Variants in LHFPL6 observed in about 807,000 individuals in gnomAD.
The protein encoded by LHFPL6 is LHFPL tetraspan subfamily member 6 protein.
A neutral mutation model predicts 20.6 loss-of-function variants in LHFPL6; 9 were observed. The observed-to-expected ratio is 0.44, with a 90% CI of 0.26 to 0.76. The LOEUF (loss-of-function observed/expected upper bound fraction) is 0.76, where lower values mean the gene tolerates loss of function less well. Ranked by LOEUF, LHFPL6 falls within the 30% of genes least tolerant of loss-of-function variation. The pLI, the probability that LHFPL6 is intolerant of heterozygous loss-of-function variation, is 0.20. For synonymous variants in LHFPL6, 105 were observed against 98.7 expected, an observed-to-expected ratio of 1.06 and a Z score of -0.38; for missense variants, 218 against 253.5, an observed-to-expected ratio of 0.86 and a Z score of 0.95.
At chr13:39,399,463 T>C (rs974046369) in intron 2 of LHFPL6, among the ~76,000 whole-genome samples, 5 of 152,208 alleles carry the variant, frequency 3.3e-5, no homozygotes, top group Admixed American at 3.3e-4. Flanking sequence ...GAGACAAACT[T>C]GGAAGCAAGA....
At chr13:39,438,356 G>A (rs2138411474) in intron 2 of LHFPL6, among the ~76,000 whole-genome samples, 1 of 152,252 alleles carries the variant, frequency 6.6e-6, no homozygotes, top group East Asian at 1.9e-4. Context: ...ACCACCTATG[G>A]TCATATGAGT....
rs143250488 is a variant in LHFPL6, at chr13:39,405,784, G to A, written c.386-27258C>T. On this transcript the variant is annotated intron_variant, in intron 2 of 3. Coordinates refer to ENST00000379589, the MANE Select transcript of LHFPL6 (RefSeq NM_005780.3). ...ACAGGCCACATCAGAGACAGAGTAC[G>A]CATAAATTCTAGGGAGCTCCAGGGT... is the stretch of plus-strand genomic sequence containing the variant. 4.1e-4 allele frequency among the ~76,000 whole-genome samples: 63 copies of A among 152,294 alleles called. No homozygotes were observed. In the East Asian group the frequency reaches 8.5e-3, roughly 21 times the overall value.
At chr13:39,390,961 C>A (rs530668621) in intron 2 of LHFPL6, among the ~76,000 whole-genome samples, 1 of 152,206 alleles carries the variant, frequency 6.6e-6, no homozygotes, top group South Asian at 2.1e-4. Flanking sequence ...CGCGCCACTG[C>A]GCTCCAGCCT....
At chr13:39,476,860 T>A (rs1054615172) in intron 2 of LHFPL6, among the ~76,000 whole-genome samples, 1 of 152,154 alleles carries the variant, frequency 6.6e-6, no homozygotes, top group Non-Finnish European at 1.5e-5. Flanking sequence ...TAACAAAATA[T>A]GTGGGTTTTT....
chr13:39,494,789 T>C (rs1869042590), intron 2 of LHFPL6, among the ~76,000 whole-genome samples: 1 of 152,230 alleles, frequency 6.6e-6, no homozygotes, highest in Non-Finnish European at 1.5e-5. Flanking sequence ...CATACTGACA[T>C]AGTCACAAGA....
At chr13:39,516,762 A>G (rs1292790353) in intron 2 of LHFPL6, among the ~76,000 whole-genome samples, 5 of 137,098 alleles carry the variant, frequency 3.6e-5, no homozygotes, top group Non-Finnish European at 6.3e-5. Context: ...ATCTTGATGA[A>G]AATTAGATGT....
chr13:39,483,090 A>T (rs1365591494), intron 2 of LHFPL6, among the ~76,000 whole-genome samples: 4 of 152,242 alleles, frequency 2.6e-5, no homozygotes, highest in Non-Finnish European at 5.9e-5. Context: ...GAAATTCTAC[A>T]GTGAATATAT....
chr13:39,503,695 C>A (rs542336705), intron 2 of LHFPL6, among the ~76,000 whole-genome samples: 1 of 152,148 alleles, frequency 6.6e-6, no homozygotes, highest in East Asian at 1.9e-4. Context: ...TTACACAATA[C>A]GTAACCTTAC....
intron 2 of LHFPL6, among the ~76,000 whole-genome samples, chr13:39,547,018 C>T (rs1472328474): frequency 6.6e-6 from 1 of 151,960 alleles, no homozygotes; most frequent in Non-Finnish European, 1.5e-5. Context: ...TCGCTAATAA[C>T]CACCCCCTGC....
chr13:39,516,403 C>T (rs922334856), intron 2 of LHFPL6, among the ~76,000 whole-genome samples: 1 of 152,254 alleles, frequency 6.6e-6, no homozygotes, highest in Non-Finnish European at 1.5e-5. Flanking sequence ...CTTGATTTTG[C>T]TGTCATGGGG....
chr13:39,493,366 G>A (rs1465648867), intron 2 of LHFPL6, among the ~76,000 whole-genome samples: 2 of 151,146 alleles, frequency 1.3e-5, no homozygotes, highest in African/African-American at 4.8e-5. Flanking sequence ...AATCCTCAAT[G>A]GGCACCAAAG....
At chr13:39,552,887 G>A (rs1032064136) in intron 2 of LHFPL6, among the ~76,000 whole-genome samples, 1 of 152,014 alleles carries the variant, frequency 6.6e-6, no homozygotes, top group African/African-American at 2.4e-5. Flanking sequence ...TACCTTACTT[G>A]CAGGATTTGT....
At chr13:39,420,228 G>T (rs1216649427) in intron 2 of LHFPL6, among the ~76,000 whole-genome samples, 1 of 152,094 alleles carries the variant, frequency 6.6e-6, no homozygotes, top group African/African-American at 2.4e-5. Context: ...TTAAGGTCTG[G>T]GTTACTATAT....
chr13:39,426,091 A>G (rs1324824300), intron 2 of LHFPL6, among the ~76,000 whole-genome samples: 1 of 152,222 alleles, frequency 6.6e-6, no homozygotes, highest in Non-Finnish European at 1.5e-5. Flanking sequence ...TTACGTGACC[A>G]TTACCACTAT....
intron 3 of LHFPL6, among the ~76,000 whole-genome samples, chr13:39,346,687 T>C (rs913949399): frequency 4.0e-4 from 61 of 152,108 alleles, no homozygotes; most frequent in African/African-American, 1.4e-3. Flanking sequence ...CTTCTACTCA[T>C]ATCATCACCA....
chr13:39,578,867 T>A (rs558300827), intron 2 of LHFPL6, among the ~76,000 whole-genome samples: 4 of 152,254 alleles, frequency 2.6e-5, no homozygotes, highest in Non-Finnish European at 5.9e-5. Context: ...GGAGACTTCA[T>A]GGATAAGTCA....
intron 2 of LHFPL6, among the ~76,000 whole-genome samples, chr13:39,549,858 T>C (rs1871096186): frequency 6.6e-6 from 1 of 152,014 alleles, no homozygotes; most frequent in South Asian, 2.1e-4. Context: ...CAAAATAATG[T>C]CATACACAAC....
In LHFPL6 at chr13:39,344,031, AG is replaced by A; in HGVS notation, c.507del (p.Tyr170ThrfsTer62). ...FDLGKCEIGW[A>X]YYCTGAGATA... ...GTGGCACCTGCTCCCGTGCAGTAGT[AG>A]GCCCAGCCGATTTCACACTTCCCTA... is the stretch of plus-strand genomic sequence containing the variant. On this transcript the variant is annotated frameshift_variant, in exon 4 of 4. Coordinates refer to ENST00000379589, the MANE Select transcript of LHFPL6 (RefSeq NM_005780.3). LOFTEE classifies it high-confidence loss of function. 6.2e-7 allele frequency: 1 copy of A among 1,612,888 alleles called. No homozygotes were observed. The highest frequency in any genetic ancestry group is 8.5e-7 in the Non-Finnish European group (1 of 1,179,228).
At chr13:39,354,092 C>G (rs1174754461) in intron 3 of LHFPL6, among the ~76,000 whole-genome samples, 1 of 152,220 alleles carries the variant, frequency 6.6e-6, no homozygotes, top group Non-Finnish European at 1.5e-5. Flanking sequence ...CTGCAGCTCT[C>G]CACTGCTGCT....
Sources: allele counts gnomAD v4.1 joint callset (sites outside exome capture counted in the v4.1 genomes callset), GRCh38; gene constraint gnomAD v4.1.1; transcripts MANE v1.5; gene names NCBI Gene and HGNC (gene_info 2026-07-23, HGNC 2026-07-21).